The following PTPN2 variants were observed in gnomAD, a reference collection of about 807,000 sequenced individuals.
PTPN2 encodes protein tyrosine phosphatase non-receptor type 2.
A neutral mutation model predicts 57.3 loss-of-function variants in PTPN2; 19 were observed. That is an observed-to-expected ratio of 0.33 (90% CI 0.23 to 0.49). The LOEUF is 0.49. Ranked by LOEUF, PTPN2 falls within the 20% of genes least tolerant of loss-of-function variation. The pLI is 0.99. For synonymous variants in PTPN2, 153 were observed against 164.9 expected, an observed-to-expected ratio of 0.93 and a Z score of 0.55; for missense variants, 358 against 501.1, an observed-to-expected ratio of 0.71 and a Z score of 2.73.
At chr18:12,868,239 T>C (rs1357823570) in intron 1 of PTPN2, among the ~76,000 whole-genome samples, 1 of 151,192 alleles carries the variant, frequency 6.6e-6, no homozygotes, top group Non-Finnish European at 1.5e-5. Context: ...ATAGTTGTTG[T>C]TTTTTGTTTT....
intron 7 of PTPN2, among the ~76,000 whole-genome samples, chr18:12,808,467 AC>A (rs35153695): frequency 0.12 from 18,871 of 152,228 alleles, 1,397 homozygotes; most frequent in South Asian, 0.19. Flanking sequence ...ATAAATATGT[AC>A]AATTACTAAG....
intron 6 of PTPN2, among the ~76,000 whole-genome samples, 166 bp from the exon 7 acceptor site, chr18:12,814,521 C>A (rs1671254051): frequency 6.6e-6 from 1 of 152,172 alleles, no homozygotes; most frequent in African/African-American, 2.4e-5. Flanking sequence ...ACTATCCCAG[C>A]CTACTCATCC....
chr18:12,835,382 C>CTTGTTTTTTTTTTTTTTTT (rs2042821130), intron 3 of PTPN2, among the ~76,000 whole-genome samples: 1 of 99,030 alleles, frequency 1.0e-5, no homozygotes, highest in African/African-American at 4.2e-5. Flanking sequence ...TCACATATGT[C>CTTGTTTTTTTTTTTTTTTT]TTTTTTTTTT....
chr18:12,815,164 A>G (rs1458388839), intron 6 of PTPN2, among the ~76,000 whole-genome samples: 2 of 151,902 alleles, frequency 1.3e-5, no homozygotes, highest in African/African-American at 2.4e-5. Flanking sequence ...CTGTAATCCC[A>G]GCACTTTGGG....
At chr18:12,838,356 C>T (rs1003762736) in intron 2 of PTPN2, among the ~76,000 whole-genome samples, 1 of 152,212 alleles carries the variant, frequency 6.6e-6, no homozygotes, top group Non-Finnish European at 1.5e-5. Flanking sequence ...ATGGCACCAC[C>T]CCACACCCTT....
rs1276201272 is a variant in PTPN2, at chr18:12,870,464, G to T, written c.70-11210C>A. On this transcript the variant is annotated intron_variant, in intron 1 of 8. Coordinates refer to ENST00000309660, the MANE Select transcript of PTPN2 (RefSeq NM_002828.4). The stretch of plus-strand genomic sequence containing the variant: ...GTGTATATATATATATATATATATA[G>T]AGAGAGAGAGAGAGAGAGAGAGAGA... Among the ~76,000 whole-genome samples, 117 of 64,068 alleles carry T rather than the reference G, an allele frequency of 1.8e-3. 1 individual carries two copies. The highest frequency in any genetic ancestry group is 2.6e-3 in the South Asian group (4 of 1,554). 42.0% of individuals were successfully genotyped at this position (64,068 alleles called of 152,430 possible). A position where few individuals can be genotyped will look rare whatever the true frequency, so the allele number is the denominator to read the frequency against.
chr18:12,847,912 T>TAA (rs1436968590), intron 2 of PTPN2, among the ~76,000 whole-genome samples: 164 of 132,498 alleles, frequency 1.2e-3, no homozygotes, highest in Middle Eastern at 3.8e-3. Context: ...ACTGAATATT[T>TAA]AAAAAAAAAA....
In PTPN2 at chr18:12,870,321, GTATATATATGTA is replaced by G. The variant is rs1246455153; in HGVS notation, c.70-11079_70-11068del. Among the ~76,000 whole-genome samples the G allele has an allele frequency of 5.8e-3, 237 of 40,972 alleles. 10 individuals are homozygous for G. In the South Asian group the frequency reaches 0.062, roughly 11 times the overall value. The allele number at this position is 40,972 out of a possible 152,430, so 26.9% of individuals were successfully genotyped here. A position where few individuals can be genotyped will look rare whatever the true frequency, so the allele number is the denominator to read the frequency against. On this transcript the variant is annotated intron_variant, in intron 1 of 8. Coordinates refer to ENST00000309660, the MANE Select transcript of PTPN2 (RefSeq NM_002828.4). The stretch of plus-strand genomic sequence containing the variant: ...TATGTGTATATATACATATATATGT[GTATATATATGTA>G]TATATATACATATATATGTGTATAT...
intron 2 of PTPN2, among the ~76,000 whole-genome samples, chr18:12,855,178 G>A (rs1439931100): frequency 6.6e-6 from 1 of 152,146 alleles, no homozygotes; most frequent in Non-Finnish European, 1.5e-5. Flanking sequence ...GAAGAAGCAT[G>A]GGCTGAAGTG....
intron 2 of PTPN2, among the ~76,000 whole-genome samples, chr18:12,856,580 T>C (rs2043596586): frequency 6.6e-6 from 1 of 152,106 alleles, no homozygotes; most frequent in Admixed American, 6.5e-5. Context: ...CTGGTCCCAA[T>C]GATGATGGAG....
intron 1 of PTPN2, among the ~76,000 whole-genome samples, chr18:12,881,033 A>T (rs2044651170): frequency 1.3e-5 from 2 of 152,294 alleles, no homozygotes; most frequent in Non-Finnish European, 2.9e-5. Context: ...TGCCTAACAG[A>T]AGCTCATCAT....
intron 2 of PTPN2, among the ~76,000 whole-genome samples, chr18:12,848,326 T>G (rs2043281240): frequency 6.6e-6 from 1 of 152,252 alleles, no homozygotes; most frequent in Non-Finnish European, 1.5e-5. Context: ...TACGAAGCAA[T>G]TCGTATCATC....
chr18:12,842,316 C>T lies in PTPN2; in HGVS notation c.161-5425G>A, dbSNP rs114586127. On this transcript the variant is annotated intron_variant, in intron 2 of 8. Coordinates refer to ENST00000309660, the MANE Select transcript of PTPN2 (RefSeq NM_002828.4). ...GGAAAAGATTTAACTTTCATCACAT[C>T]CAAAGGCCCATGAGACACCATGCAA... is the stretch of plus-strand genomic sequence containing the variant. 5.4e-3 allele frequency among the ~76,000 whole-genome samples: 827 copies of T among 152,272 alleles called. 10 individuals are homozygous for T. Among genetic ancestry groups the T allele is most frequent in the African/African-American group, 0.019 (792 of 41,544 alleles).
rs146387119 is a variant in PTPN2 at position 12,792,959 on chromosome 18, T to C, written c.*1319A>G. The C allele has an allele frequency of 2.7e-3, 2,649 of 984,512 alleles. 67 individuals carry two copies. In the African/African-American group the frequency reaches 0.043, roughly 16 times the overall value. 61.0% of individuals were successfully genotyped at this position (984,512 alleles called of 1,614,324 possible). ...CCTTATGCAGAAATCTTATGTGGCA[T>C]ATAAAGAGACAAGGCAGAGATGCTG... On this transcript the variant is annotated 3_prime_UTR_variant, in exon 9 of 9. Transcript: ENST00000309660.
chr18:12,830,216 C>T (rs2145370052), intron 4 of PTPN2, among the ~76,000 whole-genome samples: 1 of 152,004 alleles, frequency 6.6e-6, no homozygotes, highest in Admixed American at 6.5e-5. Flanking sequence ...GTGGCACAAT[C>T]TCGGCTCACT....
intron 2 of PTPN2, among the ~76,000 whole-genome samples, chr18:12,858,073 A>G (rs1445023682): frequency 6.6e-6 from 1 of 152,166 alleles, no homozygotes; most frequent in Non-Finnish European, 1.5e-5. Context: ...CAGACCCTAA[A>G]TATCTTATCT....
At position 12,884,102 on chromosome 18, in the gene PTPN2, T is replaced by C. The variant is rs369944958; in HGVS notation, c.40A>G (p.Thr14Ala). Residue 14 changes from threonine (T) to alanine (A), a missense_variant, in exon 1 of 9, where the codon ACT (threonine) becomes GCT (alanine). Thr to Ala is a moderately conservative substitution (Grantham distance 58). Around this residue, in one of 4 missense-constraint regions of PTPN2, gnomAD observed 62 missense variants for 47.9 expected, o/e 1.29. Coordinates refer to ENST00000309660, the MANE Select transcript of PTPN2 (RefSeq NM_002828.4). Reference protein sequence around the residue: ...TIEREFEELDTQRRWQPLYLE... With the variant: ...TIEREFEELDAQRRWQPLYLE... The stretch of plus-strand genomic sequence containing the variant: ...TACAGCGGCTGCCAGCGACGCTGAG[T>C]ATCCAACTCTTCGAACTCCCGCTCG... The C allele has an allele frequency of 3.2e-5, 50 of 1,586,896 alleles. No homozygotes were observed. The highest frequency in any genetic ancestry group is 4.2e-5 in the Non-Finnish European group (49 of 1,168,330).
chr18:12,867,162 A>G (rs1205422261), intron 1 of PTPN2, among the ~76,000 whole-genome samples: 3 of 152,144 alleles, frequency 2.0e-5, no homozygotes, highest in African/African-American at 7.2e-5. Flanking sequence ...CACATAATAA[A>G]TAAAAATAAA....
At chr18:12,880,017 T>A (rs2044615905) in intron 1 of PTPN2, among the ~76,000 whole-genome samples, 1 of 152,222 alleles carries the variant, frequency 6.6e-6, no homozygotes, top group Admixed American at 6.5e-5. Context: ...TTTGCTGCTG[T>A]ATGACATCCA....
Sources: allele counts gnomAD v4.1 joint callset (sites outside exome capture counted in the v4.1 genomes callset), GRCh38; gene constraint gnomAD v4.1.1; regional missense constraint gnomAD v4.1.1; transcripts MANE v1.5; gene names NCBI Gene and HGNC (gene_info 2026-07-23, HGNC 2026-07-21).